SLC24A2: variants seen among roughly 807,000 people sequenced by gnomAD.
The protein encoded by SLC24A2 is solute carrier family 24 member 2.
SLC24A2 carries 36 observed loss-of-function variants against 62.0 expected under a neutral mutation model. The observed-to-expected ratio is 0.58, with a 90% confidence interval of 0.44 to 0.77. The LOEUF (loss-of-function observed/expected upper bound fraction) is 0.77, where lower values mean the gene tolerates loss of function less well. Ranked by LOEUF, SLC24A2 falls within the 30% of genes least tolerant of loss-of-function variation. The pLI, the probability that SLC24A2 is intolerant of heterozygous loss-of-function variation, is 0.00. For synonymous variants in SLC24A2, 358 were observed against 294.0 expected (o/e 1.22, Z -2.23); for missense variants, 846 against 817.9 (o/e 1.03, Z -0.42).
the SLC24A2 span, among the ~76,000 whole-genome samples, chr9:19,830,833 A>C: frequency 6.6e-6 from 1 of 152,214 alleles, no homozygotes; most frequent in South Asian, 2.1e-4. Flanking sequence ...TAGTCCTGCT[A>C]TAACAAAATA....
chr9:19,865,107 G>A, the SLC24A2 span, among the ~76,000 whole-genome samples: 9 of 151,932 alleles, frequency 5.9e-5, no homozygotes, highest in Non-Finnish European at 1.0e-4. Flanking sequence ...AATTAAATAC[G>A]TAGGAATCGA....
At chr9:20,305,963 T>C in the SLC24A2 span, among the ~76,000 whole-genome samples, 1 of 152,232 alleles carries the variant, frequency 6.6e-6, no homozygotes, top group Non-Finnish European at 1.5e-5. Flanking sequence ...GTCTTTTCTC[T>C]GTGTGTCTGT....
chr9:20,207,439 T>C, the SLC24A2 span, among the ~76,000 whole-genome samples: 1 of 152,222 alleles, frequency 6.6e-6, no homozygotes, highest in African/African-American at 2.4e-5. Flanking sequence ...TCACACACTC[T>C]ATACAGGTCT....
At chr9:20,298,707 G>A in the SLC24A2 span, among the ~76,000 whole-genome samples, 1 of 151,602 alleles carries the variant, frequency 6.6e-6, no homozygotes, top group African/African-American at 2.4e-5. Context: ...TGCTTTGTAT[G>A]TACTAAGTCA....
intron 2 of SLC24A2, among the ~76,000 whole-genome samples, chr9:19,724,473 G>A (rs572976471): frequency 4.6e-5 from 7 of 152,278 alleles, no homozygotes; most frequent in African/African-American, 2.4e-5. Context: ...AAGATGAACT[G>A]GGGAAATGTC....
chr9:20,233,701 T>G, the SLC24A2 span, among the ~76,000 whole-genome samples: 1 of 152,250 alleles, frequency 6.6e-6, no homozygotes. Flanking sequence ...CTGTGTCTTT[T>G]AATTGAAGCA....
chr9:20,212,195 A>T, the SLC24A2 span, among the ~76,000 whole-genome samples: 1 of 151,826 alleles, frequency 6.6e-6, no homozygotes, highest in Non-Finnish European at 1.5e-5. Flanking sequence ...AAAAAGGAAA[A>T]TTCAAGACAA....
At chr9:20,164,583 T>A in the SLC24A2 span, among the ~76,000 whole-genome samples, 2 of 151,024 alleles carry the variant, frequency 1.3e-5, no homozygotes, top group African/African-American at 4.9e-5. Flanking sequence ...TGGCGATTCC[T>A]CAGGGATCTA....
intron 2 of SLC24A2, among the ~76,000 whole-genome samples, chr9:19,637,202 G>C (rs1421086699): frequency 2.6e-5 from 4 of 152,222 alleles, no homozygotes; most frequent in African/African-American, 7.2e-5. Context: ...GCAGCACAGA[G>C]CATTTTACTC....
intron 10 of SLC24A2, 88 bp downstream of exon 10, chr9:19,520,806 G>C (rs1833161512): frequency 3.1e-6 from 4 of 1,275,626 alleles, no homozygotes; most frequent in East Asian, 4.6e-5. Context: ...CTTAGGTTCA[G>C]AGATCCTGGT....
chr9:19,825,266 G>A, the SLC24A2 span, among the ~76,000 whole-genome samples: 510 of 152,164 alleles, frequency 3.4e-3, 1 homozygote, highest in African/African-American at 0.012. Flanking sequence ...ATCTTTTATA[G>A]CAATAGAAAG....
At chr9:20,101,030 C>T in the SLC24A2 span, among the ~76,000 whole-genome samples, 1 of 152,172 alleles carries the variant, frequency 6.6e-6, no homozygotes, top group Non-Finnish European at 1.5e-5. Flanking sequence ...CAGAATTTTG[C>T]GGAAACCCTG....
the SLC24A2 span, among the ~76,000 whole-genome samples, chr9:20,261,797 T>C: frequency 8.4e-5 from 11 of 130,812 alleles, no homozygotes; most frequent in Admixed American, 9.9e-4. Flanking sequence ...TGGAGTGCAG[T>C]GGCACGATCT....
chr9:19,530,390 G>T (rs1364756412), intron 8 of SLC24A2, among the ~76,000 whole-genome samples: 3 of 152,140 alleles, frequency 2.0e-5, no homozygotes, highest in Non-Finnish European at 4.4e-5. Flanking sequence ...ATGCCTTAAG[G>T]TGTGGCATAA....
chr9:20,178,695 G>C, the SLC24A2 span, among the ~76,000 whole-genome samples: 1 of 152,114 alleles, frequency 6.6e-6, no homozygotes. Flanking sequence ...AGCCTGGCTG[G>C]CATTGACCCC....
intron 2 of SLC24A2, among the ~76,000 whole-genome samples, chr9:19,713,137 C>G (rs1820761417): frequency 6.6e-6 from 1 of 152,086 alleles, no homozygotes; most frequent in South Asian, 2.1e-4. Flanking sequence ...TTCTTTGTTT[C>G]TTGTTTCTTT....
the SLC24A2 span, among the ~76,000 whole-genome samples, chr9:19,934,183 T>G: frequency 1.3e-5 from 2 of 152,204 alleles, no homozygotes; most frequent in Non-Finnish European, 2.9e-5. This position sits in a 1 kb window ranked among gnomAD's most constrained non-coding sequence, Gnocchi z 4.1. Flanking sequence ...ATCTTGTTCT[T>G]GCTTTTATGA....
chr9:19,683,508 G>T (rs1290531042), intron 2 of SLC24A2, among the ~76,000 whole-genome samples: 1 of 151,504 alleles, frequency 6.6e-6, no homozygotes, highest in Admixed American at 6.6e-5. Flanking sequence ...TTCACATTCA[G>T]TGTCCTGCCT....
At chr9:19,577,994 A>G (rs1220268591) in intron 5 of SLC24A2, among the ~76,000 whole-genome samples, 1 of 151,994 alleles carries the variant, frequency 6.6e-6, no homozygotes, top group Non-Finnish European at 1.5e-5. Context: ...GGAATGGAAA[A>G]TCAAACATCG....
Sources: gnomAD v4.1 joint callset for allele counts (sites outside exome capture counted in the v4.1 genomes callset) on GRCh38, gnomAD v4.1.1 for gene constraint, Gnocchi (gnomAD v3.1) non-coding constraint, MANE v1.5 for transcripts, NCBI Gene and HGNC (gene_info 2026-07-23, HGNC 2026-07-21) for gene names.